The following CABP1 variants were observed in gnomAD, a reference collection of about 807,000 sequenced individuals.
CABP1 encodes calcium-binding protein 1.
CABP1 carries 17 observed loss-of-function variants against 34.3 expected under a neutral mutation model. That is an observed-to-expected ratio of 0.50 (90% CI 0.34 to 0.74). CABP1 has a LOEUF of 0.74. Among genes scored for constraint, CABP1 ranks in the 30% least tolerant of loss-of-function variants. The probability of loss-of-function intolerance (pLI) is 0.01; values close to 1 mark genes in which losing one functional copy is unlikely to be tolerated. For missense variants in CABP1, 373 were observed against 511.1 expected, an observed-to-expected ratio of 0.73 and a Z score of 2.61; for synonymous variants, 198 against 229.2, an observed-to-expected ratio of 0.86 and a Z score of 1.23.
At chr12:120,664,226 A>G (rs987440047) in intron 5 of CABP1, among the ~76,000 whole-genome samples, 1 of 152,208 alleles carries the variant, frequency 6.6e-6, no homozygotes, top group Non-Finnish European at 1.5e-5. Flanking sequence ...AAAACCAGCA[A>G]GAAAACCAGA....
chr12:120,654,286 A>C (rs1310695210), intron 1 of CABP1, among the ~76,000 whole-genome samples: 1 of 152,058 alleles, frequency 6.6e-6, no homozygotes, highest in African/African-American at 2.4e-5. Context: ...GGAATACTGC[A>C]CCACCCTCTC....
rs753071042 is a variant in CABP1, at chr12:120,659,919, G to A, written c.685+11G>A. Reference sequence around the variant, plus strand: ...CAGAGGAAATTGAAGGTAAAACTTGGCCCCTTGGGGGAAAGGACTGCCTAG... The same window carrying A: ...CAGAGGAAATTGAAGGTAAAACTTGACCCCTTGGGGGAAAGGACTGCCTAG... On this transcript the variant is annotated intron_variant, in intron 2 of 5. Coordinates refer to ENST00000316803, the MANE Select transcript of CABP1 (RefSeq NM_001033677.2). The A allele has an allele frequency of 6.2e-7, 1 of 1,613,592 alleles. No individual in the cohort carries two copies. Among genetic ancestry groups the A allele is most frequent in the Non-Finnish European group, 8.5e-7 (1 of 1,179,666 alleles).
chr12:120,645,505 C>A (rs148342943), intron 1 of CABP1, among the ~76,000 whole-genome samples: 102 of 152,228 alleles, frequency 6.7e-4, no homozygotes, highest in African/African-American at 2.3e-3. Context: ...ATCATCAACT[C>A]CCCCCAACCC....
At chr12:120,664,643 G>T (rs1198907855) in intron 5 of CABP1, among the ~76,000 whole-genome samples, 3 of 152,142 alleles carry the variant, frequency 2.0e-5, no homozygotes, top group African/African-American at 7.2e-5. Context: ...GTAGGCCGAG[G>T]TGGGCAGATC....
intron 1 of CABP1, among the ~76,000 whole-genome samples, chr12:120,649,264 C>A (rs543428256): frequency 2.0e-5 from 3 of 152,180 alleles, no homozygotes; most frequent in Non-Finnish European, 4.4e-5. Context: ...AGCAGCCCCC[C>A]CACACGGGAG....
chr12:120,661,436 C>T lies in CABP1; in HGVS notation c.1087+218C>T. The T allele has an allele frequency of 1.9e-6, 1 of 536,698 alleles. No homozygotes were observed. The highest frequency in any genetic ancestry group is 1.9e-5 in the African/African-American group (1 of 52,656). The allele number at this position is 536,698 out of a possible 1,614,324, so 33.2% of individuals were successfully genotyped here. ...ATCTGTCCATCCATCTATCCATCCT[C>T]TACCTTTCCATTCATCTGTCCATTT... On this transcript the variant is annotated intron_variant, in intron 5 of 5. Coordinates refer to ENST00000316803, the MANE Select transcript of CABP1 (RefSeq NM_001033677.2). The surrounding 1 kb of genome is among the most constrained non-coding windows in gnomAD (Gnocchi z 5.1).
At chr12:120,645,764 G>A (rs1024965484) in intron 1 of CABP1, among the ~76,000 whole-genome samples, 14 of 152,196 alleles carry the variant, frequency 9.2e-5, no homozygotes, top group African/African-American at 2.9e-4. Context: ...AGGAGGTGGA[G>A]GTTGCAGTGA....
intron 1 of CABP1, among the ~76,000 whole-genome samples, chr12:120,645,873 G>A (rs774484127): frequency 6.6e-6 from 1 of 152,114 alleles, no homozygotes; most frequent in South Asian, 2.1e-4. Flanking sequence ...GAAATGACTT[G>A]TCCAAAGGTC....
At chr12:120,671,595 C>A (rs923805580), downstream of CABP1, among the ~76,000 whole-genome samples, 1 of 152,190 alleles carries the variant, frequency 6.6e-6, no homozygotes, top group Admixed American at 6.5e-5. Flanking sequence ...CAGATGGGAA[C>A]TCTGAGGGGC....
In CABP1 at chr12:120,666,157, C is replaced by A. The variant is rs578115570; in HGVS notation, c.1088-718C>A. Among the ~76,000 whole-genome samples, 4 of 147,484 alleles carry A rather than the reference C, an allele frequency of 2.7e-5. No individual in the cohort carries two copies. In the East Asian group the frequency reaches 7.9e-4, roughly 29 times the overall value. ...ACCTTACAGTGAGCTATAATCATGC[C>A]ACTGCACTTCAGCGTGGGCGACAGA... On this transcript the variant is annotated intron_variant, in intron 5 of 5. Transcript: ENST00000316803.
rs746503423 is a variant in CABP1 at position 120,661,041 on chromosome 12, C to A, written c.940-30C>A. ...GCTGCTGCCAATCGCCATGCTGGGGCGACCTCTCCTTCCTTCCTGCCTTCT... is the reference window on the plus strand; with the variant it reads ...GCTGCTGCCAATCGCCATGCTGGGGAGACCTCTCCTTCCTTCCTGCCTTCT... On this transcript the variant is annotated intron_variant, in intron 4 of 5. Coordinates refer to ENST00000316803, the MANE Select transcript of CABP1 (RefSeq NM_001033677.2). The surrounding 1 kb of genome is among the most constrained non-coding windows in gnomAD (Gnocchi z 5.1). The A allele has an allele frequency of 6.2e-7, 1 of 1,603,862 alleles. No homozygotes were observed. The highest frequency in any genetic ancestry group is 8.5e-7 in the Non-Finnish European group (1 of 1,174,496).
At chr12:120,650,461 G>T in intron 1 of CABP1, 1 of 1,455,298 alleles carries the variant, frequency 6.9e-7, no homozygotes, top group Non-Finnish European at 9.0e-7. Flanking sequence ...GAGAGCAGGA[G>T]CAGGCAGACG....
rs763277848 is a variant in CABP1 at position 120,650,508 on chromosome 12, C to T, written c.654+9169C>T. 31 of 1,558,868 alleles carry T rather than the reference C, an allele frequency of 2.0e-5. No individual in the cohort carries two copies. In the Admixed American group the frequency reaches 3.7e-4, roughly 19 times the overall value. ...ACGCGCGCAAGAGAGGGCTCACATC[C>T]GTCCTGGAGGAAGAACGGCACAGAC... On this transcript the variant is annotated intron_variant, in intron 1 of 5. Coordinates refer to ENST00000316803, the MANE Select transcript of CABP1 (RefSeq NM_001033677.2).
rs1593152212 is a variant in CABP1, at chr12:120,641,606, C to G, written c.654+267C>G. 8.5e-6 allele frequency: 3 copies of G among 354,840 alleles called. No homozygotes were observed. The highest frequency in any genetic ancestry group is 7.2e-4 in the Middle Eastern group (1 of 1,386). The allele number at this position is 354,840 out of a possible 1,614,324, so 22.0% of individuals were successfully genotyped here. Reference sequence around the variant, plus strand: ...CTCATACCCGCCAGAACCCGCCAGTCCTGGAAGAGAGCGACCTCTACGACC... The same window carrying G: ...CTCATACCCGCCAGAACCCGCCAGTGCTGGAAGAGAGCGACCTCTACGACC... On this transcript the variant is annotated intron_variant, in intron 1 of 5. Coordinates refer to ENST00000316803, the MANE Select transcript of CABP1 (RefSeq NM_001033677.2). The surrounding 1 kb of genome is among the most constrained non-coding windows in gnomAD (Gnocchi z 6.7).
Position 120,661,437 on chromosome 12 carries a change from T to A in CABP1, c.1087+219T>A. The A allele has an allele frequency of 1.9e-6, 1 of 531,740 alleles. No homozygotes were observed. 32.9% of individuals were successfully genotyped at this position (531,740 alleles called of 1,614,324 possible). A position where few individuals can be genotyped will look rare whatever the true frequency, so the allele number is the denominator to read the frequency against. ...TCTGTCCATCCATCTATCCATCCTC[T>A]ACCTTTCCATTCATCTGTCCATTTA... On this transcript the variant is annotated intron_variant, in intron 5 of 5. Transcript: ENST00000316803. This position sits in a 1 kb window ranked among gnomAD's most constrained non-coding sequence, Gnocchi z 5.1.
At chr12:120,669,151 G>A (rs548170562), downstream of CABP1, among the ~76,000 whole-genome samples, 65 of 152,328 alleles carry the variant, frequency 4.3e-4, no homozygotes, top group Admixed American at 2.7e-3. Flanking sequence ...CTGTGCTGCC[G>A]CAGAGGGAGG....
Position 120,653,943 on chromosome 12 carries a change from G to T in CABP1, c.655-5935G>T, listed in dbSNP as rs116174710. 2.3e-3 allele frequency among the ~76,000 whole-genome samples: 351 copies of T among 152,346 alleles called. 6 individuals carry two copies. The highest frequency in any genetic ancestry group is 7.9e-3 in the African/African-American group (329 of 41,574). ...GAAACAAAAATGCTGACTCTCTGCA[G>T]ACATCTCCTGAGACTGGTTCCTGGG... On this transcript the variant is annotated intron_variant, in intron 1 of 5. Coordinates refer to ENST00000316803, the MANE Select transcript of CABP1 (RefSeq NM_001033677.2).
downstream of CABP1, among the ~76,000 whole-genome samples, chr12:120,671,898 C>A (rs1881262230): frequency 6.6e-6 from 1 of 152,054 alleles, no homozygotes; most frequent in Non-Finnish European, 1.5e-5. Flanking sequence ...GAGACCTCAT[C>A]TCCACAAAAA....
Position 120,661,165 on chromosome 12 carries a change from A to T in CABP1, c.1034A>T (p.Glu345Val). 1 of 1,613,006 alleles carries T rather than the reference A, an allele frequency of 6.2e-7. No homozygotes were observed. The highest frequency in any genetic ancestry group is 8.5e-7 in the Non-Finnish European group (1 of 1,179,990). ...LGHQVGHRDI[E>V]EIIRDVDLNG... The stretch of plus-strand genomic sequence containing the variant: ...CATCAGGTGGGACACCGAGACATAG[A>T]GGAAATTATCCGAGATGTGGACCTC... Residue 345 changes from glutamate to valine, a missense_variant, in exon 5 of 6, where the codon GAG becomes GTG. Physicochemically the swap from Glu to Val is moderately radical, Grantham distance 121. Transcript: ENST00000316803. The surrounding 1 kb of genome is among the most constrained non-coding windows in gnomAD (Gnocchi z 5.1).
Sources: allele counts gnomAD v4.1 joint callset (sites outside exome capture counted in the v4.1 genomes callset), GRCh38; gene constraint gnomAD v4.1.1; non-coding constraint Gnocchi (gnomAD v3.1); transcripts MANE v1.5; gene names NCBI Gene and HGNC (gene_info 2026-07-23, HGNC 2026-07-21).